PCDHA12: variants seen among roughly 807,000 people sequenced by gnomAD.
PCDHA12 encodes protocadherin alpha 12.
Under a neutral mutation model 60.0 loss-of-function variants are expected in PCDHA12, and 44 were observed. The observed-to-expected ratio is 0.73, with a 90% CI of 0.58 to 0.94. The LOEUF is 0.94. Among genes scored for constraint, PCDHA12 ranks in the 40% least tolerant of loss-of-function variants. The pLI is 0.00. For missense variants in PCDHA12, 1,276 were observed against 1,239.7 expected (o/e 1.03, Z -0.44); for synonymous variants, 569 against 553.0 (o/e 1.03, Z -0.40).
At chr5:140,948,313 G>T (rs1554218515) in intron 1 of PCDHA12, among the ~76,000 whole-genome samples, 2 of 151,362 alleles carry the variant, frequency 1.3e-5, no homozygotes, top group Non-Finnish European at 3.0e-5. Flanking sequence ...TCTTCTTGAG[G>T]GGTAATGTTT....
chr5:140,877,015 G>A lies in PCDHA12; in HGVS notation c.1543G>A (p.Gly515Ser). ...SSYVSVHAES[G>S]KVYALQPLDH... ...CTACGTGTCGGTGCACGCGGAGAGC[G>A]GCAAGGTGTACGCGCTGCAGCCGCT... The change falls in exon 1 of 4, where the codon GGC becomes AGC. Residue 515 changes from glycine to serine, a missense_variant. Physicochemically the swap from Gly to Ser is moderately conservative, Grantham distance 56. Transcript: ENST00000398631. The A allele has an allele frequency of 6.2e-7, 1 of 1,612,474 alleles. No homozygotes were observed. Among genetic ancestry groups the A allele is most frequent in the Non-Finnish European group, 8.5e-7 (1 of 1,179,802 alleles).
intron 3 of PCDHA12, among the ~76,000 whole-genome samples, chr5:141,000,395 C>A (rs664650): frequency 0.072 from 3,868 of 53,704 alleles, 168 homozygotes; most frequent in Non-Finnish European, 0.081. Flanking sequence ...CTCTCTCTCT[C>A]TATATATATA....
chr5:140,915,638 C>CTT (rs1183097723), intron 1 of PCDHA12, among the ~76,000 whole-genome samples: 1 of 151,724 alleles, frequency 6.6e-6, no homozygotes, highest in African/African-American at 2.4e-5. Context: ...CTCTCTCTCT[C>CTT]TCTCTCTCTC....
At chr5:140,896,864 G>A (rs1223708211) in intron 1 of PCDHA12, among the ~76,000 whole-genome samples, 1 of 152,088 alleles carries the variant, frequency 6.6e-6, no homozygotes, top group Admixed American at 6.5e-5. Flanking sequence ...CATAATAAGT[G>A]TACATATTTA....
chr5:140,980,901 T>C, intron 2 of PCDHA12, among the ~76,000 whole-genome samples: 1 of 152,218 alleles, frequency 6.6e-6, no homozygotes, highest in East Asian at 1.9e-4. Context: ...TTGGACATCA[T>C]GTAACTATTC....
chr5:140,903,349 A>T (rs1191077377), intron 1 of PCDHA12, among the ~76,000 whole-genome samples: 1 of 152,240 alleles, frequency 6.6e-6, no homozygotes, highest in Non-Finnish European at 1.5e-5. Flanking sequence ...ATTTTAAAAA[A>T]CAAGTTTTTC....
At chr5:140,954,065 G>A (rs2153701349) in intron 1 of PCDHA12, among the ~76,000 whole-genome samples, 1 of 152,278 alleles carries the variant, frequency 6.6e-6, no homozygotes, top group African/African-American at 2.4e-5. Context: ...TTATTATGCT[G>A]AGGATAATGG....
intron 1 of PCDHA12, among the ~76,000 whole-genome samples, chr5:140,953,196 TA>T (rs1166571162): frequency 6.6e-6 from 1 of 152,156 alleles, no homozygotes; most frequent in Non-Finnish European, 1.5e-5. Context: ...TTGATTAGAC[TA>T]AAAATGCAAA....
At position 140,928,140 on chromosome 5, in the gene PCDHA12, G is replaced by A. The variant is rs200493520; in HGVS notation, c.2367+50301G>A. On this transcript the variant is annotated intron_variant, in intron 1 of 3. Coordinates refer to ENST00000398631, the MANE Select transcript of PCDHA12 (RefSeq NM_018903.4). The stretch of plus-strand genomic sequence containing the variant: ...TCAGTGAATACCAAGTCCTGATCAC[G>A]GCCTCAGATAGTGGCTCACCCCCAC... The A allele has an allele frequency of 2.7e-5, 43 of 1,614,036 alleles. 1 individual carries two copies. The South Asian group carries it at 4.2e-4, about 16-fold the overall frequency.
At chr5:140,896,381 C>A (rs1235283612) in intron 1 of PCDHA12, among the ~76,000 whole-genome samples, 1 of 152,160 alleles carries the variant, frequency 6.6e-6, no homozygotes, top group Non-Finnish European at 1.5e-5. Context: ...TTCTCTGCAA[C>A]CTCACCAGCA....
At position 140,928,189 on chromosome 5, in the gene PCDHA12, G is replaced by GTGA. The variant is rs1321549982; in HGVS notation, c.2367+50352_2367+50353insATG. On this transcript the variant is annotated intron_variant, in intron 1 of 3. Transcript: ENST00000398631. The stretch of plus-strand genomic sequence containing the variant: ...ACTTAGCACCCGAAGGACAATCACT[G>GTGA]TGTCAGTTGCTGATGTGAATGACAA... 5 of 1,614,096 alleles carry GTGA rather than the reference G, an allele frequency of 3.1e-6. No homozygotes were observed. In the East Asian group the frequency reaches 8.9e-5, roughly 29 times the overall value.
In PCDHA12 at chr5:140,876,798, CG is replaced by C. The variant is rs1562719394; in HGVS notation, c.1327del (p.Val443TrpfsTer6). The C allele has an allele frequency of 6.2e-7, 1 of 1,614,180 alleles. No homozygotes were observed. The highest frequency in any genetic ancestry group is 2.2e-5 in the East Asian group (1 of 44,880). ...CGCTGTGGGCCACGGCTAGAGTGTC[CG>C]TGGAGGTGGCCGACGTGAACGACAA... Reference protein sequence around the residue: ...PSLWATARVSVEVADVNDNAP... With the variant: ...PSLWATARVSXEVADVNDNAP... On this transcript the variant is annotated frameshift_variant, in exon 1 of 4. Transcript: ENST00000398631. LOFTEE classifies it high-confidence loss of function.
At chr5:140,883,927 G>A (rs781895204) in intron 1 of PCDHA12, 2 of 1,613,456 alleles carry the variant, frequency 1.2e-6, no homozygotes, top group South Asian at 1.1e-5. Flanking sequence ...CGCTGCAGGT[G>A]TTCGTGCTGG....
At position 140,876,223 on chromosome 5, in the gene PCDHA12, T is replaced by C. The variant is rs2056212607; in HGVS notation, c.751T>C (p.Leu251=). The change falls in exon 1 of 4, where the codon TTG becomes CTG. Residue 251 remains leucine (L), a synonymous_variant. Coordinates refer to ENST00000398631, the MANE Select transcript of PCDHA12 (RefSeq NM_018903.4). ...TGATAAGCCCAGCTATAAAGTAGTGTTGTCTGAAAATGTCCAAAACGACAC... is the reference window on the plus strand; with the variant it reads ...TGATAAGCCCAGCTATAAAGTAGTGCTGTCTGAAAATGTCCAAAACGACAC... ...AFDKPSYKVV[L]SENVQNDTRV... is the part of the protein sequence containing the mutation. 1.2e-6 allele frequency: 2 copies of C among 1,613,782 alleles called. No individual in the cohort carries two copies. The highest frequency in any genetic ancestry group is 1.7e-6 in the Non-Finnish European group (2 of 1,179,886).
intron 3 of PCDHA12, among the ~76,000 whole-genome samples, chr5:141,005,543 A>G (rs2153984572): frequency 6.6e-6 from 1 of 151,530 alleles, no homozygotes; most frequent in South Asian, 2.1e-4. Context: ...CTCTACTAAA[A>G]ATACAAAAAT....
At chr5:140,931,507 T>C (rs564431042) in intron 1 of PCDHA12, among the ~76,000 whole-genome samples, 1 of 152,016 alleles carries the variant, frequency 6.6e-6, no homozygotes, top group African/African-American at 2.4e-5. Flanking sequence ...TTTAAACATA[T>C]ATGAATGATT....
intron 3 of PCDHA12, among the ~76,000 whole-genome samples, chr5:140,998,973 G>A (rs572810777): frequency 1.3e-5 from 2 of 152,352 alleles, no homozygotes; most frequent in African/African-American, 2.4e-5. Flanking sequence ...TAGTATCCTA[G>A]AAAATAGTAG....
intron 1 of PCDHA12, among the ~76,000 whole-genome samples, chr5:140,947,932 T>G (rs1444320082): frequency 1.3e-5 from 2 of 151,584 alleles, no homozygotes; most frequent in African/African-American, 4.8e-5. Flanking sequence ...CCTGATCTTA[T>G]GAGAAAAGTG....
chr5:140,927,308 C>T (rs782694957), intron 1 of PCDHA12: 3 of 1,614,186 alleles, frequency 1.9e-6, no homozygotes, highest in Non-Finnish European at 2.5e-6. Flanking sequence ...TTCCTGACGC[C>T]CGGAGCCCGC....
Sources: gnomAD v4.1 joint callset for allele counts (sites outside exome capture counted in the v4.1 genomes callset) on GRCh38, gnomAD v4.1.1 for gene constraint, MANE v1.5 for transcripts, NCBI Gene and HGNC (gene_info 2026-07-23, HGNC 2026-07-21) for gene names.